NEK10: variants seen among roughly 807,000 people sequenced by gnomAD.
NEK10 encodes serine/threonine-protein kinase Nek10.
NEK10 carries 122 observed loss-of-function variants against 159.8 expected under a neutral mutation model. The observed-to-expected ratio is 0.76, with a 90% CI of 0.66 to 0.89. The LOEUF (loss-of-function observed/expected upper bound fraction) is 0.89. Among genes scored for constraint, NEK10 ranks in the 40% least tolerant of loss-of-function variants. The probability of loss-of-function intolerance (pLI) is 0.00; values close to 1 mark genes in which losing one functional copy is unlikely to be tolerated. For missense variants in NEK10, 1,342 were observed against 1,323.1 expected, an observed-to-expected ratio of 1.01 and a Z score of -0.22; for synonymous variants, 466 against 457.1, an observed-to-expected ratio of 1.02 and a Z score of -0.25.
chr3:27,261,429 T>C (rs1459042144), intron 22 of NEK10, among the ~76,000 whole-genome samples: 1 of 152,240 alleles, frequency 6.6e-6, no homozygotes, highest in Non-Finnish European at 1.5e-5. Context: ...TGTGTCTTTG[T>C]TCTCATTGGT....
rs1298685896 is a variant in NEK10, at chr3:27,278,725, G to A, written c.2014+5877C>T. 8 of 984,386 alleles carry A rather than the reference G, an allele frequency of 8.1e-6. No homozygotes were observed. The East Asian group carries it at 3.4e-4, about 42-fold the overall frequency. 61.0% of individuals were successfully genotyped at this position (984,386 alleles called of 1,614,324 possible). A position where few individuals can be genotyped will look rare whatever the true frequency, so the allele number is the denominator to read the frequency against. On this transcript the variant is annotated intron_variant, in intron 22 of 35. Transcript: ENST00000691995. Reference sequence around the variant, plus strand: ...GAAAGCAGAGGAGGCAAGCGGACATGGAAGGTTTACATTAAAATAAGGGTT... The same window carrying A: ...GAAAGCAGAGGAGGCAAGCGGACATAGAAGGTTTACATTAAAATAAGGGTT...
At chr3:27,292,571 C>T (rs1267820695) in intron 16 of NEK10, among the ~76,000 whole-genome samples, 2 of 151,990 alleles carry the variant, frequency 1.3e-5, no homozygotes, top group Admixed American at 6.5e-5. Flanking sequence ...TGGTGGCTCA[C>T]GCCTGTAATC....
intron 18 of NEK10, 63 bp from the exon 19 acceptor site, chr3:27,290,817 G>A (rs562987572): frequency 1.6e-6 from 2 of 1,271,560 alleles, no homozygotes. Flanking sequence ...AAGAGAGAAA[G>A]AGGAAGAAAG....
chr3:27,360,174 G>C (rs1011622445), intron 1 of NEK10, among the ~76,000 whole-genome samples: 1 of 152,130 alleles, frequency 6.6e-6, no homozygotes, highest in African/African-American at 2.4e-5. Flanking sequence ...TCTTCAATGG[G>C]AACTATATGT....
At chr3:27,228,976 T>C (rs1361119720) in intron 23 of NEK10, among the ~76,000 whole-genome samples, 1 of 152,126 alleles carries the variant, frequency 6.6e-6, no homozygotes, top group Non-Finnish European at 1.5e-5. Context: ...TAGCACTGGG[T>C]ATTACATCTA....
At chr3:27,131,708 G>A (rs1238461578) in intron 32 of NEK10, among the ~76,000 whole-genome samples, 172 bp downstream of exon 32, 2 of 152,000 alleles carry the variant, frequency 1.3e-5, no homozygotes, top group African/African-American at 2.4e-5. Flanking sequence ...TAAGGGCCAC[G>A]GAAATAGAGA....
intron 1 of NEK10, among the ~76,000 whole-genome samples, chr3:27,365,122 T>C (rs1032957809): frequency 2.6e-5 from 4 of 152,246 alleles, no homozygotes; most frequent in Non-Finnish European, 4.4e-5. Flanking sequence ...ATTTTCTAGA[T>C]AAATATTTAC....
At chr3:27,346,985 G>A (rs931262982) in intron 3 of NEK10, among the ~76,000 whole-genome samples, 4 of 152,060 alleles carry the variant, frequency 2.6e-5, no homozygotes, top group Non-Finnish European at 5.9e-5. Context: ...TAACCCTAAG[G>A]TTTCTGATAA....
intron 11 of NEK10, among the ~76,000 whole-genome samples, chr3:27,307,345 A>G (rs531341723): frequency 6.6e-6 from 1 of 152,276 alleles, no homozygotes; most frequent in African/African-American, 2.4e-5. Context: ...TTTAAGTACA[A>G]TCTAATAACT....
At chr3:27,236,552 A>G (rs1012904833) in intron 23 of NEK10, among the ~76,000 whole-genome samples, 3 of 152,170 alleles carry the variant, frequency 2.0e-5, no homozygotes, top group Admixed American at 6.6e-5. Context: ...ATAAAGAGAA[A>G]GAATACAAAG....
rs11922978 is a variant in NEK10, at chr3:27,113,429, C to G, written c.3300-2109G>C. On this transcript the variant is annotated intron_variant, in intron 35 of 35. Transcript: ENST00000691995. ...CTGGCCTGAGCAACATAACGAGATT[C>G]CATCTCAAAAAAAAAAAAAAAAAAA... Among the ~76,000 whole-genome samples, 806 of 83,896 alleles carry G rather than the reference C, an allele frequency of 9.6e-3. 12 individuals carry two copies. Among genetic ancestry groups the G allele is most frequent in the African/African-American group, 0.042 (776 of 18,498 alleles). The allele number at this position is 83,896 out of a possible 152,430, so 55.0% of individuals were successfully genotyped here.
At chr3:27,218,541 G>T (rs1024340147) in intron 23 of NEK10, among the ~76,000 whole-genome samples, 2 of 147,400 alleles carry the variant, frequency 1.4e-5, no homozygotes, top group South Asian at 2.2e-4. Context: ...GGAAGCGGAG[G>T]TTGCAGTGAG....
chr3:27,272,714 C>A (rs2041464516), intron 22 of NEK10, among the ~76,000 whole-genome samples: 1 of 152,114 alleles, frequency 6.6e-6, no homozygotes, highest in Non-Finnish European at 1.5e-5. Context: ...GGTGCTGAAC[C>A]AGGTACTCAA....
At chr3:27,120,009 ATAAAGAAATAATCTTC>A (rs1488164636) in intron 32 of NEK10, 141 bp from the exon 33 acceptor site, 46 of 557,880 alleles carry the variant, frequency 8.2e-5, no homozygotes, top group Non-Finnish European at 1.4e-4. Context: ...TTGTAAATAG[ATAAAGAAATAATCTTC>A]TTTCCAAAAG....
chr3:27,124,215 GT>G (rs1941670094), intron 32 of NEK10, among the ~76,000 whole-genome samples: 1 of 152,068 alleles, frequency 6.6e-6, no homozygotes, highest in African/African-American at 2.4e-5. Flanking sequence ...ATCTACTAAG[GT>G]TTTTGAGTAT....
At chr3:27,252,292 T>C (rs1180417019) in intron 23 of NEK10, 2 of 467,256 alleles carry the variant, frequency 4.3e-6, no homozygotes, top group African/African-American at 3.9e-5. Context: ...GGAAATCCTC[T>C]CTACATAAGT....
At chr3:27,220,659 G>C (rs1952007033) in intron 23 of NEK10, among the ~76,000 whole-genome samples, 1 of 151,756 alleles carries the variant, frequency 6.6e-6, no homozygotes, top group African/African-American at 2.4e-5. Flanking sequence ...TTTTCTTGCA[G>C]AAATTGACAA....
At chr3:27,112,404 G>C (rs1027760165) in intron 35 of NEK10, among the ~76,000 whole-genome samples, 2 of 152,136 alleles carry the variant, frequency 1.3e-5, no homozygotes, top group Non-Finnish European at 2.9e-5. Flanking sequence ...TTGTAAACTT[G>C]AATAACACCG....
intron 30 of NEK10, among the ~76,000 whole-genome samples, chr3:27,157,333 T>C (rs1200274916): frequency 6.6e-6 from 1 of 152,084 alleles, no homozygotes; most frequent in Non-Finnish European, 1.5e-5. Context: ...TAAAAAATTA[T>C]GATGAATGGT....
Sources: gnomAD v4.1 joint callset for allele counts (sites outside exome capture counted in the v4.1 genomes callset) on GRCh38, gnomAD v4.1.1 for gene constraint, MANE v1.5 for transcripts, NCBI Gene and HGNC (gene_info 2026-07-23, HGNC 2026-07-21) for gene names.